SAXO1: variants seen among roughly 807,000 people sequenced by gnomAD.
The protein encoded by SAXO1 is stabilizer of axonemal microtubules 1.
In SAXO1, 21 loss-of-function variants were observed where a neutral mutation model predicts 17.5. The observed-to-expected ratio is 1.20, with a 90% CI of 0.85 to 1.72. The LOEUF (loss-of-function observed/expected upper bound fraction) is 1.72. Among genes scored for constraint, SAXO1 ranks in the 40% most tolerant of loss-of-function variants. The pLI, the probability that SAXO1 is intolerant of heterozygous loss-of-function variation, is 0.00. For synonymous variants in SAXO1, 274 were observed against 216.5 expected, an observed-to-expected ratio of 1.27 and a Z score of -2.33; for missense variants, 843 against 596.0, an observed-to-expected ratio of 1.41 and a Z score of -4.32.
At chr9:18,987,370 C>A (rs942279529) in intron 1 of SAXO1, among the ~76,000 whole-genome samples, 1 of 152,114 alleles carries the variant, frequency 6.6e-6, no homozygotes, top group Non-Finnish European at 1.5e-5. Flanking sequence ...ACAAAGGGAG[C>A]CTTCGATTTT....
intron 1 of SAXO1, among the ~76,000 whole-genome samples, chr9:18,975,423 T>C (rs1183791108): frequency 6.6e-6 from 1 of 152,220 alleles, no homozygotes; most frequent in African/African-American, 2.4e-5. Flanking sequence ...CACAGCACTT[T>C]ATGCACTTCA....
At chr9:19,020,803 T>A (rs546033391) in intron 1 of SAXO1, among the ~76,000 whole-genome samples, 1 of 152,196 alleles carries the variant, frequency 6.6e-6, no homozygotes, top group Non-Finnish European at 1.5e-5. Context: ...AAGCTAACAA[T>A]AGAGTTCTAG....
upstream of SAXO1, among the ~76,000 whole-genome samples, chr9:19,035,934 A>G (rs1835922765): frequency 6.6e-6 from 1 of 152,232 alleles, no homozygotes; most frequent in South Asian, 2.1e-4. Context: ...AGCAGAGCAC[A>G]AAAGTTTGGA....
chr9:19,049,261 G>C lies in SAXO1; in HGVS notation c.-210C>G, dbSNP rs907547011. On this transcript the variant is annotated 5_prime_UTR_variant, in exon 1 of 4. Transcript: ENST00000542071. This position sits in a 1 kb window ranked among gnomAD's most constrained non-coding sequence, Gnocchi z 5.4. ...CAGAACAAAAGACCGAAGTCCTCGA[G>C]CTTCCCTTCCATCTTAGGGCTCACG... The C allele has an allele frequency of 5.9e-6, 1 of 170,662 alleles. No individual in the cohort carries two copies. The highest frequency in any genetic ancestry group is 1.2e-5 in the Non-Finnish European group (1 of 80,988). The allele number at this position is 170,662 out of a possible 1,614,324, so 10.6% of individuals were successfully genotyped here. A position where few individuals can be genotyped will look rare whatever the true frequency, so the allele number is the denominator to read the frequency against.
At chr9:18,934,329 G>T (rs1831194279) in intron 3 of SAXO1, among the ~76,000 whole-genome samples, 1 of 152,034 alleles carries the variant, frequency 6.6e-6, no homozygotes, top group Non-Finnish European at 1.5e-5. Context: ...ACACTTTATG[G>T]TATTCCACGA....
intron 1 of SAXO1, chr9:19,027,511 C>A: frequency 1.1e-6 from 1 of 892,398 alleles, no homozygotes; most frequent in Non-Finnish European, 1.9e-6. Context: ...AAAAGGGGTG[C>A]TGGCCCCCAG....
At chr9:19,025,037 C>T (rs1211688238) in intron 1 of SAXO1, among the ~76,000 whole-genome samples, 1 of 152,088 alleles carries the variant, frequency 6.6e-6, no homozygotes, top group Non-Finnish European at 1.5e-5. Context: ...CATATACCCA[C>T]TTGTACTCAT....
intron 1 of SAXO1, among the ~76,000 whole-genome samples, chr9:18,979,654 G>C (rs1932446): frequency 6.6e-6 from 1 of 152,200 alleles, no homozygotes; most frequent in Non-Finnish European, 1.5e-5. Context: ...GATTATTCCA[G>C]CAAGAGTGTA....
intron 1 of SAXO1, among the ~76,000 whole-genome samples, chr9:19,015,634 C>T (rs185074885): frequency 1.7e-4 from 25 of 143,190 alleles, no homozygotes; most frequent in African/African-American, 5.8e-4. Context: ...TGAGCCATCA[C>T]GCCTGGCCCT....
Position 18,948,291 on chromosome 9 carries a change from G to C in SAXO1, c.218+2467C>G, listed in dbSNP as rs772827309. Among the ~76,000 whole-genome samples, 34 of 152,198 alleles carry C rather than the reference G, an allele frequency of 2.2e-4. 1 individual carries two copies. Among genetic ancestry groups the C allele is most frequent in the Non-Finnish European group, 8.8e-5 (6 of 68,030 alleles). On this transcript the variant is annotated intron_variant, in intron 2 of 3. Transcript: ENST00000380534. ...AATAATGAAATTGTGGTAGAAAAGA[G>C]AACACAGATGTCTTCTACTCATTTC... is the stretch of plus-strand genomic sequence containing the variant.
At chr9:18,946,148 C>T (rs1246770468) in intron 2 of SAXO1, among the ~76,000 whole-genome samples, 1 of 151,848 alleles carries the variant, frequency 6.6e-6, no homozygotes, top group Non-Finnish European at 1.5e-5. Context: ...TGGTGGGACA[C>T]ACCTGTAATC....
At chr9:18,957,151 T>A (rs1832289192) in intron 1 of SAXO1, among the ~76,000 whole-genome samples, 1 of 152,180 alleles carries the variant, frequency 6.6e-6, no homozygotes, top group East Asian at 1.9e-4. Flanking sequence ...TTCCAAGACA[T>A]CCTCCTCTTT....
At position 18,961,469 on chromosome 9, in the gene SAXO1, C is replaced by T. The variant is rs557642516; in HGVS notation, c.39-10532G>A. Among the ~76,000 whole-genome samples, 117 of 152,136 alleles carry T rather than the reference C, an allele frequency of 7.7e-4. 1 individual carries two copies. Among genetic ancestry groups the T allele is most frequent in the Non-Finnish European group, 1.4e-3 (97 of 68,034 alleles). Reference sequence around the variant, plus strand: ...CCATCATCTACGTTAGGTATTACTCCTAATGCTATCCCTCCCCTTGCCCCC... The same window carrying T: ...CCATCATCTACGTTAGGTATTACTCTTAATGCTATCCCTCCCCTTGCCCCC... On this transcript the variant is annotated intron_variant, in intron 1 of 3. Transcript: ENST00000380534.
chr9:18,983,939 A>G (rs1833494037), intron 1 of SAXO1, among the ~76,000 whole-genome samples: 1 of 152,238 alleles, frequency 6.6e-6, no homozygotes, highest in Non-Finnish European at 1.5e-5. Flanking sequence ...ACAGTTTTAC[A>G]AAATATATTT....
Position 18,928,328 on chromosome 9 carries a change from A to T in SAXO1, c.1149T>A (p.Pro383=). Residue 383 remains proline, a synonymous_variant, in exon 4 of 4, where the codon CCT becomes CCA. Coordinates refer to ENST00000380534, the MANE Select transcript of SAXO1 (RefSeq NM_153707.4). ...GAGGCTTACAGCTTTTGGTATTGAT[A>T]GGCAGGTGGGGCACATAGTGGGCCC... ...TTRAHYVPHL[P]INTKSCKPHW... is the part of the protein sequence containing the mutation. 6.2e-7 allele frequency: 1 copy of T among 1,613,256 alleles called. No individual in the cohort carries two copies. The highest frequency in any genetic ancestry group is 8.5e-7 in the Non-Finnish European group (1 of 1,179,622).
At chr9:18,977,368 T>C (rs1462873191) in intron 1 of SAXO1, among the ~76,000 whole-genome samples, 1 of 145,662 alleles carries the variant, frequency 6.9e-6, no homozygotes, top group Non-Finnish European at 1.5e-5. Context: ...CTGGGCATAC[T>C]GCTAATAGCT....
At chr9:18,953,961 G>A (rs1832140583) in intron 1 of SAXO1, among the ~76,000 whole-genome samples, 1 of 152,278 alleles carries the variant, frequency 6.6e-6, no homozygotes, top group South Asian at 2.1e-4. Flanking sequence ...CCTGCCTAGG[G>A]CATTTAAAAG....
chr9:18,931,990 C>T (rs1273486058), intron 3 of SAXO1, among the ~76,000 whole-genome samples: 2 of 152,168 alleles, frequency 1.3e-5, no homozygotes, highest in African/African-American at 4.8e-5. Flanking sequence ...TTTAACAAAA[C>T]ACCCACCTGA....
At chr9:18,952,219 C>T (rs1832064660) in intron 1 of SAXO1, among the ~76,000 whole-genome samples, 1 of 152,130 alleles carries the variant, frequency 6.6e-6, no homozygotes, top group Non-Finnish European at 1.5e-5. Flanking sequence ...TCAGCAAAAA[C>T]TCCATGCTGG....
Sources: gnomAD v4.1 joint callset for allele counts (sites outside exome capture counted in the v4.1 genomes callset) on GRCh38, gnomAD v4.1.1 for gene constraint, Gnocchi (gnomAD v3.1) non-coding constraint, MANE v1.5 for transcripts, NCBI Gene and HGNC (gene_info 2026-07-23, HGNC 2026-07-21) for gene names.